ZNF43: variants seen among roughly 807,000 people sequenced by gnomAD.
The protein encoded by ZNF43 is zinc finger protein 39-like 1 (KOX 27).
Under a neutral mutation model 68.4 loss-of-function variants are expected in ZNF43, and 44 were observed. The ratio of observed to expected loss-of-function variants is 0.64; its 90% confidence interval spans 0.51 to 0.83. The LOEUF (loss-of-function observed/expected upper bound fraction) is 0.83. ZNF43 is among the 40% of genes least tolerant of loss of function. ZNF43 has a pLI of 0.00. For synonymous variants in ZNF43, 308 were observed against 307.8 expected (o/e 1.00, Z -0.01); for missense variants, 896 against 933.2 (o/e 0.96, Z 0.52).
chr19:21,817,816 A>G, intron 3 of ZNF43, 72 bp downstream of exon 3: 1 of 1,449,660 alleles, frequency 6.9e-7, no homozygotes, highest in Non-Finnish European at 9.5e-7. Flanking sequence ...GTCACATTTT[A>G]AGGACTGGCT....
In ZNF43 at chr19:21,807,838, G is replaced by A. The variant is rs761877521; in HGVS notation, c.2199C>T (p.Pro733=). 6.2e-6 allele frequency: 10 copies of A among 1,613,274 alleles called. No individual in the cohort carries two copies. The Admixed American group carries it at 1.7e-4, about 27-fold the overall frequency. ...CTTTGCCACATTCTTCACATTTGTAGGGTTGCTCTCCAGTATGAATTTTCT... is the reference window on the plus strand; with the variant it reads ...CTTTGCCACATTCTTCACATTTGTAAGGTTGCTCTCCAGTATGAATTTTCT... The part of the protein sequence containing the change: ...EHKKIHTGEQ[P]YKCEECGKAF... Residue 733 remains proline (P), a synonymous_variant, in exon 4 of 4, where the codon CCC becomes CCT. Coordinates refer to ENST00000354959, the MANE Select transcript of ZNF43 (RefSeq NM_003423.4).
intron 1 of ZNF43, among the ~76,000 whole-genome samples, chr19:21,825,090 C>T (rs1475133879): frequency 1.3e-5 from 2 of 152,190 alleles, no homozygotes; most frequent in South Asian, 2.1e-4. Context: ...AAAAATTAGC[C>T]GGGCATGTTG....
intron 2 of ZNF43, 102 bp from the exon 3 acceptor site, chr19:21,818,088 A>G (rs2037617736): frequency 4.8e-6 from 6 of 1,242,016 alleles, no homozygotes; most frequent in Non-Finnish European, 6.6e-6. Context: ...TATCCTAATC[A>G]TTAATCCCAA....
At chr19:21,815,509 T>TATATATATATA (rs1568355560) in intron 3 of ZNF43, among the ~76,000 whole-genome samples, 68 of 129,582 alleles carry the variant, frequency 5.2e-4, no homozygotes, top group African/African-American at 2.1e-3. Flanking sequence ...ATATATATAT[T>TATATATATATA]TTGCAGAATA....
intron 1 of ZNF43, 46 bp downstream of exon 1, chr19:21,835,990 G>C (rs750001004): frequency 1.2e-6 from 2 of 1,612,920 alleles, no homozygotes; most frequent in African/African-American, 1.3e-5. Context: ...CCTGAGTCAC[G>C]CCACAGCCCC....
chr19:21,811,628 C>A (rs2037277815), intron 3 of ZNF43, among the ~76,000 whole-genome samples: 4 of 150,816 alleles, frequency 2.7e-5, no homozygotes, highest in Admixed American at 2.6e-4. Flanking sequence ...ATATTAAAAG[C>A]TACAATAACA....
intron 3 of ZNF43, 88 bp from the exon 4 acceptor site, chr19:21,809,895 C>T (rs2037197021): frequency 7.8e-7 from 1 of 1,283,168 alleles, no homozygotes; most frequent in Admixed American, 2.7e-5. Flanking sequence ...ACACAAGCTA[C>T]ATAAGCAAGA....
intron 1 of ZNF43, among the ~76,000 whole-genome samples, chr19:21,847,298 C>T (rs1047173641): frequency 1.3e-5 from 2 of 152,088 alleles, no homozygotes; most frequent in Non-Finnish European, 2.9e-5. Flanking sequence ...AGGTGTTCAG[C>T]TGAGCATTAT....
intron 1 of ZNF43, among the ~76,000 whole-genome samples, chr19:21,834,180 A>G (rs2038568794): frequency 6.6e-6 from 1 of 151,908 alleles, no homozygotes; most frequent in South Asian, 2.1e-4. Context: ...TCTAACAAAA[A>G]TACAAAAATT....
chr19:21,818,211 C>CA (rs2037624796), intron 2 of ZNF43, among the ~76,000 whole-genome samples: 1 of 151,696 alleles, frequency 6.6e-6, no homozygotes, highest in Non-Finnish European at 1.5e-5. Flanking sequence ...CAAGCAATTC[C>CA]AATGCCTCAG....
At chr19:21,809,867 T>A (rs1288587702) in intron 3 of ZNF43, 60 bp from the exon 4 acceptor site, 1 of 1,418,826 alleles carries the variant, frequency 7.0e-7, no homozygotes, top group South Asian at 1.6e-5. Context: ...AAATATACTT[T>A]ATGTAACATA....
chr19:21,835,354 A>AT (rs2038659271), intron 1 of ZNF43, among the ~76,000 whole-genome samples: 1 of 132,610 alleles, frequency 7.5e-6, no homozygotes, highest in Non-Finnish European at 1.6e-5. Context: ...AATCTAGTTT[A>AT]GTTTTTTTTT....
intron 1 of ZNF43, among the ~76,000 whole-genome samples, chr19:21,824,732 T>TAAAAAAAAA (rs34739856): frequency 8.4e-5 from 9 of 107,206 alleles, no homozygotes; most frequent in African/African-American, 2.2e-4. Flanking sequence ...TATGTTTACC[T>TAAAAAAAAA]AAAAAAAAAA....
chr19:21,821,333 T>C (rs925742276), intron 1 of ZNF43, among the ~76,000 whole-genome samples: 1 of 151,866 alleles, frequency 6.6e-6, no homozygotes, highest in African/African-American at 2.4e-5. Context: ...TTTTTTTTCG[T>C]AGAGACGGGG....
chr19:21,822,531 C>T (rs1347100799), intron 1 of ZNF43, among the ~76,000 whole-genome samples: 2 of 152,128 alleles, frequency 1.3e-5, no homozygotes, highest in Admixed American at 6.6e-5. Flanking sequence ...CGTGGCCGGG[C>T]GCGGTGGCTC....
At chr19:21,840,776 A>G (rs1285233786), upstream of ZNF43, 1 of 152,178 alleles carries the variant, frequency 6.6e-6, no homozygotes, top group Non-Finnish European at 1.5e-5. Flanking sequence ...TACAATATCC[A>G]TGATGGTCAC....
chr19:21,823,596 G>A (rs574467689), intron 1 of ZNF43, among the ~76,000 whole-genome samples: 5,342 of 89,408 alleles, frequency 0.06, 141 homozygotes, highest in Middle Eastern at 0.17. Context: ...TTTTTTTTTC[G>A]TGAGATGGAG....
chr19:21,815,425 C>CA (rs1174204277), intron 3 of ZNF43, among the ~76,000 whole-genome samples: 1 of 148,810 alleles, frequency 6.7e-6, no homozygotes, highest in Non-Finnish European at 1.5e-5. Flanking sequence ...GCTATACTTA[C>CA]AAAAAATGAA....
intron 1 of ZNF43, chr19:21,841,750 T>C (rs1599540943): frequency 6.6e-6 from 1 of 152,246 alleles, no homozygotes; most frequent in Non-Finnish European, 1.5e-5. Flanking sequence ...TCCAGTGATA[T>C]GTCACAATCC....
Sources: allele counts gnomAD v4.1 joint callset (sites outside exome capture counted in the v4.1 genomes callset), GRCh38; gene constraint gnomAD v4.1.1; transcripts MANE v1.5; gene names NCBI Gene and HGNC (gene_info 2026-07-23, HGNC 2026-07-21).